Variants in CDK19 observed in about 807,000 individuals in gnomAD.
CDK19 encodes the protein cyclin dependent kinase 19.
In CDK19, 20 loss-of-function variants were observed where a neutral mutation model predicts 68.3. The observed-to-expected ratio is 0.29, with a 90% CI of 0.21 to 0.43. The LOEUF (loss-of-function observed/expected upper bound fraction) is 0.43. CDK19 is among the 20% of genes least tolerant of loss of function. The pLI is 1.00. For synonymous variants in CDK19, 221 were observed against 222.8 expected (o/e 0.99, Z 0.07); for missense variants, 339 against 623.5 (o/e 0.54, Z 4.86).
At chr6:110,696,217 C>T (rs566241672) in intron 2 of CDK19, among the ~76,000 whole-genome samples, 29 of 152,244 alleles carry the variant, frequency 1.9e-4, no homozygotes, top group South Asian at 6.2e-4. Flanking sequence ...AAATGTGATA[C>T]ATCACATAAT....
rs1345789069 is a variant in CDK19 at position 110,671,682 on chromosome 6, T to TCA, written c.205-1143_205-1142dup. ...ATGCTTTTTCCACTACAGCTAAAGT[T>TCA]CATGTCTTCAATTCCCACAATGTGG... On this transcript the variant is annotated intron_variant, in intron 2 of 12. Coordinates refer to ENST00000368911, the MANE Select transcript of CDK19 (RefSeq NM_015076.5). 6.6e-5 allele frequency among the ~76,000 whole-genome samples: 10 copies of TCA among 152,326 alleles called. No individual in the cohort carries two copies. The South Asian group carries it at 1.0e-3, about 16-fold the overall frequency.
chr6:110,691,435 T>C (rs1398108805), intron 2 of CDK19, among the ~76,000 whole-genome samples: 3 of 150,724 alleles, frequency 2.0e-5, no homozygotes, highest in East Asian at 4.0e-4. Flanking sequence ...GATCATGCCA[T>C]TGCACCCCAG....
chr6:110,805,974 A>C (rs944728025), intron 1 of CDK19, among the ~76,000 whole-genome samples: 1 of 115,300 alleles, frequency 8.7e-6, no homozygotes, highest in Admixed American at 8.2e-5. Flanking sequence ...AACACTTCTC[A>C]AAAAAAAAAA....
At chr6:110,698,503 C>G (rs1457290068) in intron 2 of CDK19, among the ~76,000 whole-genome samples, 4 of 152,020 alleles carry the variant, frequency 2.6e-5, no homozygotes, top group African/African-American at 9.7e-5. Context: ...AGCCAAAAAA[C>G]AATAGATGTT....
intron 2 of CDK19, among the ~76,000 whole-genome samples, chr6:110,732,547 C>T (rs1776842559): frequency 6.6e-6 from 1 of 151,922 alleles, no homozygotes; most frequent in Non-Finnish European, 1.5e-5. Flanking sequence ...TTCAAGATGG[C>T]CCCAGGCTAA....
chr6:110,781,965 A>G (rs1780859770), intron 1 of CDK19, among the ~76,000 whole-genome samples: 2 of 152,236 alleles, frequency 1.3e-5, no homozygotes, highest in African/African-American at 4.8e-5. Flanking sequence ...ATAAAATTGT[A>G]AAGATTCCAA....
chr6:110,751,620 T>C (rs1056436568), intron 1 of CDK19, among the ~76,000 whole-genome samples: 5 of 152,148 alleles, frequency 3.3e-5, no homozygotes, highest in African/African-American at 1.2e-4. Context: ...CCCTGCTGGG[T>C]CTGTGGAAAA....
intron 5 of CDK19, among the ~76,000 whole-genome samples, chr6:110,632,695 T>A (rs1779515608): frequency 6.6e-6 from 1 of 151,640 alleles, no homozygotes; most frequent in South Asian, 2.1e-4. Context: ...CACACCACTG[T>A]ACTCCAGCCT....
At chr6:110,730,042 T>TG (rs1337858083) in intron 2 of CDK19, among the ~76,000 whole-genome samples, 3 of 152,216 alleles carry the variant, frequency 2.0e-5, no homozygotes, top group Non-Finnish European at 4.4e-5. Flanking sequence ...AGCAAGGCTC[T>TG]GTACTGGTAT....
At chr6:110,676,718 T>C (rs1176602693) in intron 2 of CDK19, among the ~76,000 whole-genome samples, 1 of 152,228 alleles carries the variant, frequency 6.6e-6, no homozygotes, top group Non-Finnish European at 1.5e-5. Context: ...TTAAGATATA[T>C]ACATTTTTAT....
At chr6:110,623,552 G>A (rs1044733978) in intron 8 of CDK19, 190 bp from the exon 9 acceptor site, 1 of 307,090 alleles carries the variant, frequency 3.3e-6, no homozygotes, top group Non-Finnish European at 4.8e-6. Flanking sequence ...CACAACATGA[G>A]AGTTTATACT....
At chr6:110,622,994 C>A in intron 9 of CDK19, 82 bp from the exon 10 acceptor site, 1 of 877,556 alleles carries the variant, frequency 1.1e-6, no homozygotes, top group East Asian at 2.4e-5. Context: ...TACTGTGTAA[C>A]AGGATTAATA....
At chr6:110,795,855 AATATAG>A (rs1348398790) in intron 1 of CDK19, among the ~76,000 whole-genome samples, 2 of 152,206 alleles carry the variant, frequency 1.3e-5, no homozygotes, top group African/African-American at 4.8e-5. Flanking sequence ...AAAAATTGAT[AATATAG>A]ATAAACACTG....
At chr6:110,794,627 T>C (rs981357570) in intron 1 of CDK19, among the ~76,000 whole-genome samples, 17 of 151,502 alleles carry the variant, frequency 1.1e-4, no homozygotes, top group Non-Finnish European at 1.9e-4. Context: ...ATGGTCTCGA[T>C]CTCCTGACCT....
At chr6:110,690,357 GA>G (rs1319154407) in intron 2 of CDK19, among the ~76,000 whole-genome samples, 1 of 152,198 alleles carries the variant, frequency 6.6e-6, no homozygotes, top group Admixed American at 6.5e-5. Context: ...GTGGGTCTAG[GA>G]GATAGATAGC....
rs1194581717 is a variant in CDK19 at position 110,667,582 on chromosome 6, T to A, written c.316-8A>T. The A allele has an allele frequency of 2.8e-6, 4 of 1,450,822 alleles. No homozygotes were observed. Among genetic ancestry groups the A allele is most frequent in the Admixed American group, 2.1e-5 (1 of 47,830 alleles). The allele number at this position is 1,450,822 out of a possible 1,614,324, so 89.9% of individuals were successfully genotyped here. On this transcript the variant is annotated splice_polypyrimidine_tract_variant and splice_region_variant and intron_variant, in intron 3 of 12. Transcript: ENST00000368911. Reference sequence around the variant, plus strand: ...GTGAAACTTAATAATATGCTAAAAATTAAAAAAAAACATAATAATATAGTC... The same window carrying A: ...GTGAAACTTAATAATATGCTAAAAAATAAAAAAAAACATAATAATATAGTC...
intron 1 of CDK19, among the ~76,000 whole-genome samples, chr6:110,788,663 C>T (rs979930242): frequency 3.9e-5 from 6 of 152,086 alleles, no homozygotes; most frequent in African/African-American, 1.4e-4. Context: ...CTTTTCAATA[C>T]AAGATAAAAA....
At chr6:110,632,496 C>T (rs577596369) in intron 5 of CDK19, among the ~76,000 whole-genome samples, 78 of 152,284 alleles carry the variant, frequency 5.1e-4, no homozygotes, top group African/African-American at 1.8e-3. Context: ...TCTGGGAGGC[C>T]GAGGTGGGCG....
chr6:110,747,145 A>G (rs1778134343), intron 1 of CDK19, among the ~76,000 whole-genome samples: 1 of 152,168 alleles, frequency 6.6e-6, no homozygotes, highest in Admixed American at 6.5e-5. Flanking sequence ...TTTTTGTCAA[A>G]TATAGCGCCA....
Sources: gnomAD v4.1 joint callset for allele counts (sites outside exome capture counted in the v4.1 genomes callset) on GRCh38, gnomAD v4.1.1 for gene constraint, MANE v1.5 for transcripts, NCBI Gene and HGNC (gene_info 2026-07-23, HGNC 2026-07-21) for gene names.